The following RCN2 variants were observed in gnomAD, a reference collection of about 807,000 sequenced individuals.
RCN2 encodes reticulocalbin-2.
In RCN2, 23 loss-of-function variants were observed where a neutral mutation model predicts 37.5. The observed-to-expected ratio is 0.61, with a 90% CI of 0.44 to 0.87. The LOEUF (loss-of-function observed/expected upper bound fraction) is 0.87, where lower values mean the gene tolerates loss of function less well. RCN2 is among the 40% of genes least tolerant of loss of function. The pLI is 0.00. For synonymous variants in RCN2, 140 were observed against 144.6 expected (o/e 0.97, Z 0.23); for missense variants, 381 against 390.4 (o/e 0.98, Z 0.20).
At chr15:76,935,767 A>G in intron 3 of RCN2, 45 bp downstream of exon 3, 1 of 1,459,280 alleles carries the variant, frequency 6.9e-7, no homozygotes, top group Non-Finnish European at 9.4e-7. Context: ...ATGTCAGTTC[A>G]CTTTACCTTC....
At chr15:76,942,396 T>C (rs1438194836) in intron 3 of RCN2, 3 of 152,220 alleles carry the variant, frequency 2.0e-5, no homozygotes, top group Non-Finnish European at 4.4e-5. Context: ...ACAGAAATTA[T>C]GCAGGATTAG....
chr15:76,937,696 CGACACCT>C (rs1379651804), intron 3 of RCN2, among the ~76,000 whole-genome samples: 1 of 152,142 alleles, frequency 6.6e-6, no homozygotes, highest in Non-Finnish European at 1.5e-5. Context: ...GTGTAAGCCA[CGACACCT>C]GGCCCCAAAT....
chr15:76,938,083 T>A (rs1273287285), intron 3 of RCN2, among the ~76,000 whole-genome samples: 4 of 152,224 alleles, frequency 2.6e-5, no homozygotes, highest in African/African-American at 7.2e-5. Context: ...AGAATTTTTT[T>A]AAGATAGTTT....
Position 76,949,463 on chromosome 15 carries a change from C to G in RCN2, c.*241C>G, listed in dbSNP as rs1453005851. ...GTGCCATATGACAACAAAGTCTTTCCTAAATACTCCATCTGTTTAGTACTG... is the reference window on the plus strand; with the variant it reads ...GTGCCATATGACAACAAAGTCTTTCGTAAATACTCCATCTGTTTAGTACTG... On this transcript the variant is annotated 3_prime_UTR_variant, in exon 7 of 7. Coordinates refer to ENST00000394885, the MANE Select transcript of RCN2 (RefSeq NM_002902.3). 1 of 319,884 alleles carries G rather than the reference C, an allele frequency of 3.1e-6. No individual in the cohort carries two copies. The highest frequency in any genetic ancestry group is 5.7e-6 in the Non-Finnish European group (1 of 176,608). 19.8% of individuals were successfully genotyped at this position (319,884 alleles called of 1,614,324 possible). A position where few individuals can be genotyped will look rare whatever the true frequency, so the allele number is the denominator to read the frequency against.
rs1411983970 is a variant in RCN2, at chr15:76,954,073, G to A, written c.*4851G>A. 7.2e-6 allele frequency: 1 copy of A among 139,752 alleles called. No individual in the cohort carries two copies. Among genetic ancestry groups the A allele is most frequent in the Non-Finnish European group, 1.5e-5 (1 of 65,690 alleles). 8.7% of individuals were successfully genotyped at this position (139,752 alleles called of 1,614,324 possible). A position where few individuals can be genotyped will look rare whatever the true frequency, so the allele number is the denominator to read the frequency against. On this transcript the variant is annotated 3_prime_UTR_variant, in exon 7 of 7. Coordinates refer to ENST00000394885, the MANE Select transcript of RCN2 (RefSeq NM_002902.3). The stretch of plus-strand genomic sequence containing the variant: ...TTTTTCTTTTTTTTTTTTAATAGTA[G>A]CCATCCTGTTGGGTGAGACGTGGTA...
At chr15:76,932,332 G>A (rs1469670537) in intron 1 of RCN2, 29 bp from the exon 2 acceptor site, 1 of 1,538,284 alleles carries the variant, frequency 6.5e-7, no homozygotes, top group Non-Finnish European at 9.0e-7. Context: ...GTAATGCTTG[G>A]CCCTCCTGTG....
intron 3 of RCN2, among the ~76,000 whole-genome samples, chr15:76,936,396 G>T (rs908365223): frequency 2.6e-5 from 4 of 152,142 alleles, no homozygotes; most frequent in Non-Finnish European, 5.9e-5. Flanking sequence ...TGGCGGGGGG[G>T]TGGGGAATGG....
At chr15:76,941,549 C>A in intron 3 of RCN2, 1 of 640,292 alleles carries the variant, frequency 1.6e-6, no homozygotes, top group Non-Finnish European at 2.6e-6. Flanking sequence ...TTTTTACCCT[C>A]TACTAGAATA....
chr15:76,948,209 G>A (rs2075304111), intron 5 of RCN2: 1 of 391,636 alleles, frequency 2.6e-6, no homozygotes, highest in Non-Finnish European at 4.5e-6. Context: ...TTTAAAACTG[G>A]GTTGTTTAGA....
chr15:76,932,068 G>A, intron 1 of RCN2, 83 bp downstream of exon 1: 3 of 1,203,318 alleles, frequency 2.5e-6, no homozygotes, highest in East Asian at 3.4e-5. Flanking sequence ...AAGGGGGGCG[G>A]CCGGGCGAGG....
Position 76,932,334 on chromosome 15 carries a change from C to T in RCN2, c.145-27C>T, listed in dbSNP as rs201218297. 1.1e-3 allele frequency: 1,694 copies of T among 1,549,102 alleles called. 3 individuals carry two copies. Among genetic ancestry groups the T allele is most frequent in the South Asian group, 2.4e-3 (215 of 89,230 alleles). ...TGCCCCACTGATAGTAATGCTTGGC[C>T]CTCCTGTGTGTCGCTTCCCCCTAAA... is the stretch of plus-strand genomic sequence containing the variant. On this transcript the variant is annotated intron_variant, in intron 1 of 6. Coordinates refer to ENST00000394885, the MANE Select transcript of RCN2 (RefSeq NM_002902.3).
chr15:76,941,585 A>G, intron 3 of RCN2: 1 of 1,035,554 alleles, frequency 9.7e-7, no homozygotes, highest in Non-Finnish European at 1.4e-6. Flanking sequence ...CAAGAAAAAA[A>G]AAGAGTGTTG....
rs555351794 is a variant in RCN2 at position 76,938,619 on chromosome 15, G to A, written c.447+2897G>A. 1.5e-3 allele frequency: 618 copies of A among 420,396 alleles called. 9 individuals are homozygous for A. The highest frequency in any genetic ancestry group is 9.5e-3 in the South Asian group (595 of 62,362). 26.0% of individuals were successfully genotyped at this position (420,396 alleles called of 1,614,324 possible). A position where few individuals can be genotyped will look rare whatever the true frequency, so the allele number is the denominator to read the frequency against. ...TTAAACAACACCCCATTCCCTCCTTGGTAAATGCTTTCTAAGTGTGCTATT... is the reference window on the plus strand; with the variant it reads ...TTAAACAACACCCCATTCCCTCCTTAGTAAATGCTTTCTAAGTGTGCTATT... On this transcript the variant is annotated intron_variant, in intron 3 of 6. Coordinates refer to ENST00000394885, the MANE Select transcript of RCN2 (RefSeq NM_002902.3).
intron 3 of RCN2, among the ~76,000 whole-genome samples, chr15:76,936,150 A>G (rs943408868): frequency 3.3e-5 from 5 of 152,022 alleles, no homozygotes; most frequent in African/African-American, 9.7e-5. Context: ...ACAACTGAGA[A>G]TCGTAAGTAT....
In RCN2 at chr15:76,935,704, AGAG is replaced by A; in HGVS notation, c.433_435del (p.Glu145del). ...AGAACACTGCTCTGGATGATGCAGAAGAGGAGTCCTTTAGGAAGGTGAGTTCAT... is the reference window on the plus strand; with the variant it reads ...AGAACACTGCTCTGGATGATGCAGAAGAGTCCTTTAGGAAGGTGAGTTCAT... On this transcript the variant is annotated inframe_deletion, in exon 3 of 7. Coordinates refer to ENST00000394885, the MANE Select transcript of RCN2 (RefSeq NM_002902.3). The A allele has an allele frequency of 6.2e-7, 1 of 1,612,784 alleles. No homozygotes were observed. Among genetic ancestry groups the A allele is most frequent in the South Asian group, 1.1e-5 (1 of 90,808 alleles).
Position 76,953,645 on chromosome 15 carries a change from T to C in RCN2, c.*4423T>C, listed in dbSNP as rs2075334718. 1.6e-5 allele frequency: 2 copies of C among 126,064 alleles called. No homozygotes were observed. The highest frequency in any genetic ancestry group is 3.2e-5 in the Non-Finnish European group (2 of 62,096). 7.8% of individuals were successfully genotyped at this position (126,064 alleles called of 1,614,324 possible). On this transcript the variant is annotated 3_prime_UTR_variant, in exon 7 of 7. Transcript: ENST00000394885. ...TTTTTTGAGACGGAGTCTCGCTCTG[T>C]CGCCCAGGCTGGAGTGCAGTGGCGC...
At chr15:76,937,911 T>C (rs1216850226) in intron 3 of RCN2, among the ~76,000 whole-genome samples, 2 of 152,228 alleles carry the variant, frequency 1.3e-5, no homozygotes, top group Non-Finnish European at 2.9e-5. Context: ...GAAATTGATA[T>C]ATCAAATACT....
Position 76,949,411 on chromosome 15 carries a change from G to A in RCN2, c.*189G>A, listed in dbSNP as rs1438483248. ...AAAAATCTGATATTTATTTCAAAAT[G>A]TATTGAAGCAACAAAATATTAATAT... On this transcript the variant is annotated 3_prime_UTR_variant, in exon 7 of 7. Coordinates refer to ENST00000394885, the MANE Select transcript of RCN2 (RefSeq NM_002902.3). 3.1e-5 allele frequency: 13 copies of A among 418,764 alleles called. No individual in the cohort carries two copies. The highest frequency in any genetic ancestry group is 8.4e-5 in the Admixed American group (2 of 23,952). The allele number at this position is 418,764 out of a possible 1,614,324, so 25.9% of individuals were successfully genotyped here.
At chr15:76,947,804 T>C in intron 5 of RCN2, 1 of 309,616 alleles carries the variant, frequency 3.2e-6, no homozygotes, top group South Asian at 4.5e-5. Context: ...GTAAGGTAGA[T>C]ATTTTTAAAC....
Sources: allele counts gnomAD v4.1 joint callset (sites outside exome capture counted in the v4.1 genomes callset), GRCh38; gene constraint gnomAD v4.1.1; transcripts MANE v1.5; gene names NCBI Gene and HGNC (gene_info 2026-07-23, HGNC 2026-07-21).